The following RP1 variants were observed in gnomAD, a reference collection of about 807,000 sequenced individuals.
The protein encoded by RP1 is oxygen-regulated protein 1.
In RP1, 16 loss-of-function variants were observed where a neutral mutation model predicts 14.8. That is an observed-to-expected ratio of 1.08 (90% CI 0.73 to 1.65). The LOEUF (loss-of-function observed/expected upper bound fraction) is 1.65. RP1 is among the 40% of genes most tolerant of loss of function. The probability of loss-of-function intolerance (pLI) is 0.00; values close to 1 mark genes in which losing one functional copy is unlikely to be tolerated. For missense variants in RP1, 2,631 were observed against 2,535.0 expected, an observed-to-expected ratio of 1.04 and a Z score of -0.81; for synonymous variants, 876 against 883.6, an observed-to-expected ratio of 0.99 and a Z score of 0.15.
chr8:54,751,088 G>A (rs1018304781), intron 19 of RP1, among the ~76,000 whole-genome samples: 7 of 152,284 alleles, frequency 4.6e-5, no homozygotes, highest in South Asian at 2.1e-4. Flanking sequence ...GAAGGTCTGC[G>A]GCTCCATTCT....
chr8:54,801,286 T>C (rs914418086), intron 24 of RP1, among the ~76,000 whole-genome samples: 1 of 152,176 alleles, frequency 6.6e-6, no homozygotes, highest in Non-Finnish European at 1.5e-5. Context: ...TAATGTAGTG[T>C]TGAGAGGGTG....
intron 25 of RP1, among the ~76,000 whole-genome samples, chr8:54,845,117 A>G (rs1406717191): frequency 6.6e-6 from 1 of 152,228 alleles, no homozygotes; most frequent in Non-Finnish European, 1.5e-5. Flanking sequence ...CCAAAGGGCC[A>G]GAAGCTGGGT....
upstream of RP1, among the ~76,000 whole-genome samples, chr8:54,615,351 T>C (rs1805690573): frequency 6.6e-6 from 1 of 152,184 alleles, no homozygotes; most frequent in African/African-American, 2.4e-5. Flanking sequence ...GAGGACCCCT[T>C]ACCTTGTTTT....
Position 54,761,749 on chromosome 8 carries a change from T to C in RP1, c.3248+2673T>C, listed in dbSNP as rs566465608. 1.4e-3 allele frequency among the ~76,000 whole-genome samples: 218 copies of C among 152,336 alleles called. No homozygotes were observed. In the Middle Eastern group the frequency reaches 0.017, roughly 12 times the overall value. On this transcript the variant is annotated intron_variant, in intron 22 of 22. Transcript: ENST00000636932. ...CTGATCATAGTAGGTCCTAAATAAA[T>C]GGTACCGAGTGCTCATTCATGTAAT...
rs564271132 is a variant in RP1 at position 54,605,714 on chromosome 8, T to A, written c.-12-15241T>A. ...TCTCTAAGGACTTGCTTTATGAATC[T>A]GGGTGCTCCTGTATTCGGTGCTTAT... On this transcript the variant is annotated intron_variant, in intron 1 of 22. Transcript: ENST00000636932. Among the ~76,000 whole-genome samples the A allele has an allele frequency of 2.2e-4, 33 of 152,350 alleles. 2 individuals carry two copies. The South Asian group carries it at 6.8e-3, about 32-fold the overall frequency.
At position 54,750,079 on chromosome 8, in the gene RP1, A is replaced by G. The variant is rs1021068146; in HGVS notation, c.2809-4724A>G. On this transcript the variant is annotated intron_variant, in intron 19 of 22. Transcript: ENST00000636932. ...GTAGGAGTCAGGGAATTGGAATAGAATTTCTCATTCTGGTAATAGAAAACT... is the reference window on the plus strand; with the variant it reads ...GTAGGAGTCAGGGAATTGGAATAGAGTTTCTCATTCTGGTAATAGAAAACT... Among the ~76,000 whole-genome samples, 3 of 152,138 alleles carry G rather than the reference A, an allele frequency of 2.0e-5. No individual in the cohort carries two copies. The East Asian group carries it at 5.8e-4, about 29-fold the overall frequency.
intron 15 of RP1, among the ~76,000 whole-genome samples, chr8:54,713,132 T>A (rs1486885538): frequency 6.6e-6 from 1 of 152,146 alleles, no homozygotes; most frequent in African/African-American, 2.4e-5. Flanking sequence ...GGTTCCAACA[T>A]GTCTGCTGTT....
At chr8:54,792,544 T>A (rs1285873574) in intron 24 of RP1, among the ~76,000 whole-genome samples, 1 of 151,582 alleles carries the variant, frequency 6.6e-6, no homozygotes, top group Non-Finnish European at 1.5e-5. Context: ...TCAACGTAAA[T>A]GACAGGAAAA....
intron 24 of RP1, among the ~76,000 whole-genome samples, chr8:54,824,986 G>A (rs1811352669): frequency 7.6e-6 from 1 of 130,960 alleles, no homozygotes; most frequent in Admixed American, 7.4e-5. Flanking sequence ...TTATTTATGA[G>A]ATGGAGGCTC....
chr8:54,737,820 A>G (rs1808970804), intron 18 of RP1, among the ~76,000 whole-genome samples: 1 of 152,160 alleles, frequency 6.6e-6, no homozygotes, highest in African/African-American at 2.4e-5. Flanking sequence ...TGACTGTCCC[A>G]GCTCTTTCAG....
chr8:54,645,007 C>A (rs1045168484), intron 3 of RP1, among the ~76,000 whole-genome samples: 3 of 152,140 alleles, frequency 2.0e-5, no homozygotes, highest in African/African-American at 7.2e-5. Flanking sequence ...TCCAGCATGA[C>A]TTAATATTAA....
In RP1 at chr8:54,793,163, G is replaced by A. The variant is rs138914218; in HGVS notation, c.3615+9453G>A. On this transcript the variant is annotated intron_variant, in intron 24 of 28. Coordinates refer to the RP1 transcript ENST00000637698. ...AGAAATAGAAAGCCTGAATACACCA[G>A]TAATGAGTAAGGAGATTGAATCAGT... 1.2e-4 allele frequency among the ~76,000 whole-genome samples: 18 copies of A among 151,906 alleles called. No homozygotes were observed. The East Asian group carries it at 3.5e-3, about 29-fold the overall frequency.
At chr8:54,776,247 G>A (rs1248007434) in intron 23 of RP1, among the ~76,000 whole-genome samples, 1 of 152,100 alleles carries the variant, frequency 6.6e-6, no homozygotes, top group African/African-American at 2.4e-5. Flanking sequence ...TGTCACCCAG[G>A]GTAGAGTGCA....
intron 24 of RP1, among the ~76,000 whole-genome samples, chr8:54,785,429 T>G (rs1810294808): frequency 6.7e-6 from 1 of 149,642 alleles, no homozygotes; most frequent in Non-Finnish European, 1.5e-5. Flanking sequence ...TTGATACAGA[T>G]TTGAGTTGTT....
In RP1 at chr8:54,755,726, C is replaced by G. The variant is rs142464954; in HGVS notation, c.3049C>G (p.Gln1017Glu). 3.5e-4 allele frequency: 534 copies of G among 1,534,640 alleles called. 4 individuals are homozygous for G. The African/African-American group carries it at 6.5e-3, about 19-fold the overall frequency. The stretch of plus-strand genomic sequence containing the variant: ...GGAGAGGGGAGACTCTGGCCTCAGA[C>G]AGCTGTACAAATCTAACATGCAAGT... The change falls in exon 21 of 23, where the codon CAG becomes GAG. Residue 1017 changes from glutamine (Q) to glutamate (E), a missense_variant. Coordinates refer to the RP1 transcript ENST00000636932.
At chr8:54,860,717 G>A (rs191220834) in intron 27 of RP1, among the ~76,000 whole-genome samples, 282 of 152,376 alleles carry the variant, frequency 1.9e-3, no homozygotes, top group African/African-American at 6.1e-3. Flanking sequence ...GCAAATGTCA[G>A]TGAGATGCAT....
At chr8:54,757,641 G>A (rs941415741) in intron 21 of RP1, among the ~76,000 whole-genome samples, 1 of 152,224 alleles carries the variant, frequency 6.6e-6, no homozygotes, top group Non-Finnish European at 1.5e-5. Context: ...GAAGCCCTCA[G>A]ACACAGAAGC....
rs1318421266 is a variant in RP1 at position 54,796,346 on chromosome 8, G to A, written c.3615+12636G>A. 2.0e-5 allele frequency among the ~76,000 whole-genome samples: 3 copies of A among 152,178 alleles called. No homozygotes were observed. The South Asian group carries it at 6.2e-4, about 31-fold the overall frequency. On this transcript the variant is annotated intron_variant, in intron 24 of 28. Transcript: ENST00000637698. Reference sequence around the variant, plus strand: ...TTAAAAGTATTTGTATTGTGTTTGGGAAGCAAAGAGACAAAAGTGTTTCAG... The same window carrying A: ...TTAAAAGTATTTGTATTGTGTTTGGAAAGCAAAGAGACAAAAGTGTTTCAG...
intron 12 of RP1, among the ~76,000 whole-genome samples, chr8:54,684,070 C>T (rs1277229701): frequency 1.4e-5 from 2 of 144,788 alleles, no homozygotes; most frequent in African/African-American, 2.6e-5. Context: ...TTGAGATAAT[C>T]GTGTGGTTTT....
Sources: gnomAD v4.1 joint callset for allele counts (sites outside exome capture counted in the v4.1 genomes callset) on GRCh38, gnomAD v4.1.1 for gene constraint, MANE v1.5 for transcripts, NCBI Gene and HGNC (gene_info 2026-07-23, HGNC 2026-07-21) for gene names.